The following BFSP2 variants were observed in gnomAD, a reference collection of about 807,000 sequenced individuals.
The protein encoded by BFSP2 is beaded filament structural protein 2, also known as phakinin.
Under a neutral mutation model 44.9 loss-of-function variants are expected in BFSP2, and 38 were observed. The ratio of observed to expected loss-of-function variants is 0.85; its 90% CI spans 0.65 to 1.11. The LOEUF is 1.11. Ranked by LOEUF, BFSP2 falls within the 50% of genes least tolerant of loss-of-function variation. BFSP2 has a pLI of 0.00. For synonymous variants in BFSP2, 197 were observed against 209.9 expected (o/e 0.94, Z 0.53); for missense variants, 525 against 533.0 (o/e 0.99, Z 0.15).
chr3:133,435,830 C>A (rs1291737872), intron 1 of BFSP2, among the ~76,000 whole-genome samples: 2 of 152,148 alleles, frequency 1.3e-5, no homozygotes, highest in East Asian at 3.8e-4. Flanking sequence ...CTGCTGATTT[C>A]TTTAGGGCAT....
At chr3:133,411,212 C>T in intron 1 of BFSP2, among the ~76,000 whole-genome samples, 1 of 147,782 alleles carries the variant, frequency 6.8e-6, no homozygotes, top group Non-Finnish European at 1.5e-5. Flanking sequence ...AATTAATCAC[C>T]TTTGGAGCCC....
At chr3:133,448,808 T>C (rs1431204834) in intron 3 of BFSP2, 163 bp downstream of exon 3, 3 of 932,482 alleles carry the variant, frequency 3.2e-6, no homozygotes, top group South Asian at 1.7e-5. Context: ...ATCCTTGAAG[T>C]GGGTCAGGTT....
chr3:133,456,473 G>C (rs537676566), intron 4 of BFSP2, among the ~76,000 whole-genome samples: 29 of 152,322 alleles, frequency 1.9e-4, no homozygotes, highest in African/African-American at 6.0e-4. Flanking sequence ...TTATACAGGT[G>C]CAGTGGCTCA....
intron 5 of BFSP2, among the ~76,000 whole-genome samples, chr3:133,467,350 C>T (rs1287225866): frequency 6.6e-6 from 1 of 152,216 alleles, no homozygotes; most frequent in Non-Finnish European, 1.5e-5. Flanking sequence ...AAAGCCCAGC[C>T]CTTTTGCTTC....
At chr3:133,468,079 C>T (rs2074129064) in intron 5 of BFSP2, among the ~76,000 whole-genome samples, 1 of 152,206 alleles carries the variant, frequency 6.6e-6, no homozygotes. Context: ...CATGAGCATG[C>T]TCTTCTGACT....
At chr3:133,474,856 G>C in intron 6 of BFSP2, 113 bp from the exon 7 acceptor site, 1 of 1,410,274 alleles carries the variant, frequency 7.1e-7, no homozygotes, top group Admixed American at 1.7e-5. Flanking sequence ...AAACTATCTT[G>C]TTCCAAAGGC....
chr3:133,468,183 G>C (rs2699884), intron 5 of BFSP2, among the ~76,000 whole-genome samples: 2 of 151,496 alleles, frequency 1.3e-5, no homozygotes, highest in East Asian at 3.8e-4. Flanking sequence ...TGCCTCCAAA[G>C]AGTTAATGTG....
At chr3:133,415,816 TTCACCCCTGCCCTCTTCCCTCTAC>T (rs1559960048) in intron 1 of BFSP2, among the ~76,000 whole-genome samples, 5 of 78,040 alleles carry the variant, frequency 6.4e-5, no homozygotes, top group Admixed American at 2.4e-4. Context: ...CTCCCCTCTA[TTCACCCCTGCCCTCTTCCCTCTAC>T]TCACCCCTGC....
At chr3:133,440,757 C>T (rs1259403781) in intron 1 of BFSP2, among the ~76,000 whole-genome samples, 1 of 152,162 alleles carries the variant, frequency 6.6e-6, no homozygotes, top group East Asian at 1.9e-4. Context: ...TAAACCCCGG[C>T]CAGCAGTTCT....
At position 133,448,774 on chromosome 3, in the gene BFSP2, A is replaced by T. The variant is rs1365621653; in HGVS notation, c.729+129A>T. On this transcript the variant is annotated intron_variant, in intron 3 of 6. Coordinates refer to ENST00000302334, the MANE Select transcript of BFSP2 (RefSeq NM_003571.4). ...ACATTGCGTGCCCAGGACTGCAGGG[A>T]ACATACCTGTAAAATACTTTCAGAT... 15 of 1,221,420 alleles carry T rather than the reference A, an allele frequency of 1.2e-5. No homozygotes were observed. The South Asian group carries it at 2.0e-4, about 17-fold the overall frequency. The allele number at this position is 1,221,420 out of a possible 1,614,324, so 75.7% of individuals were successfully genotyped here.
intron 1 of BFSP2, among the ~76,000 whole-genome samples, chr3:133,441,513 G>C (rs1308730407): frequency 6.6e-6 from 1 of 152,122 alleles, no homozygotes; most frequent in Non-Finnish European, 1.5e-5. Flanking sequence ...GGGAATTGTT[G>C]GTTTTTGACT....
chr3:133,471,340 A>G (rs2074159704), intron 5 of BFSP2, among the ~76,000 whole-genome samples: 1 of 152,202 alleles, frequency 6.6e-6, no homozygotes, highest in Non-Finnish European at 1.5e-5. Flanking sequence ...CAAGAGATAC[A>G]AGAAGCAGGA....
intron 1 of BFSP2, among the ~76,000 whole-genome samples, chr3:133,417,501 CT>C (rs1392819829): frequency 4.1e-5 from 5 of 120,918 alleles, no homozygotes; most frequent in African/African-American, 1.8e-4. Context: ...GCCCTCTCCC[CT>C]CTACTCATCC....
intron 2 of BFSP2, among the ~76,000 whole-genome samples, chr3:133,448,193 C>T (rs1028550247): frequency 4.6e-5 from 7 of 152,166 alleles, no homozygotes; most frequent in Non-Finnish European, 8.8e-5. Context: ...ATGAAGATGC[C>T]GGATCCCCTA....
rs756062657 is a variant in BFSP2, at chr3:133,400,486, C to A, written c.403C>A (p.Gln135Lys). Residue 135 changes from glutamine (Q) to lysine (K), a missense_variant, in exon 1 of 7, where the codon CAA (glutamine) becomes AAA (lysine). Gln to Lys is a moderately conservative substitution (Grantham distance 53, BLOSUM62 1). Transcript: ENST00000302334. This position sits in a 1 kb window ranked among gnomAD's most constrained non-coding sequence, Gnocchi z 4.0. ...GCAAGTCAGTCAGGAGCTGGAAACA[C>A]AACTGCGGATGCACCTGGAGAGCAA... is the stretch of plus-strand genomic sequence containing the variant. ...LEQVSQELET[Q>K]LRMHLESKAT... The A allele has an allele frequency of 6.2e-7, 1 of 1,614,010 alleles. No individual in the cohort carries two copies. The highest frequency in any genetic ancestry group is 1.7e-5 in the Admixed American group (1 of 60,026).
rs75186898 is a variant in BFSP2, at chr3:133,448,273, G to A, written c.573-216G>A. Among the ~76,000 whole-genome samples, 15,336 of 152,196 alleles carry A rather than the reference G, an allele frequency of 0.1. 798 individuals are homozygous for A. The highest frequency in any genetic ancestry group is 0.18 in the Middle Eastern group (53 of 294). On this transcript the variant is annotated intron_variant, in intron 2 of 6. Coordinates refer to ENST00000302334, the MANE Select transcript of BFSP2 (RefSeq NM_003571.4). ...AACACTCCCATGAGGCTGGTAGCCCGGGAAGCCAGGTTATCAGAAGTTGGC... is the reference window on the plus strand; with the variant it reads ...AACACTCCCATGAGGCTGGTAGCCCAGGAAGCCAGGTTATCAGAAGTTGGC...
At chr3:133,410,716 T>TGGGCGGACA in intron 1 of BFSP2, 1 of 252,728 alleles carries the variant, frequency 4.0e-6, no homozygotes, top group African/African-American at 2.3e-5. Context: ...CAGGAGTCTG[T>TGGGCGGACA]GGAACCAGAG....
At chr3:133,433,580 G>A (rs965300289) in intron 1 of BFSP2, among the ~76,000 whole-genome samples, 1 of 152,176 alleles carries the variant, frequency 6.6e-6, no homozygotes, top group Non-Finnish European at 1.5e-5. Flanking sequence ...TCACTGGATA[G>A]GTAGAGTCCT....
At chr3:133,468,699 C>T (rs191718545) in intron 5 of BFSP2, among the ~76,000 whole-genome samples, 12 of 152,322 alleles carry the variant, frequency 7.9e-5, no homozygotes, top group African/African-American at 2.4e-4. Flanking sequence ...CTGGACATCA[C>T]TTATACCACA....
Sources: gnomAD v4.1 joint callset for allele counts (sites outside exome capture counted in the v4.1 genomes callset) on GRCh38, gnomAD v4.1.1 for gene constraint, Gnocchi (gnomAD v3.1) non-coding constraint, MANE v1.5 for transcripts, NCBI Gene and HGNC (gene_info 2026-07-23, HGNC 2026-07-21) for gene names.